The following NKAIN1 variants were observed in gnomAD, a reference collection of about 807,000 sequenced individuals.
The protein encoded by NKAIN1 is sodium/potassium-transporting ATPase subunit beta-1-interacting protein 1.
A neutral mutation model predicts 31.6 loss-of-function variants in NKAIN1; 13 were observed. That is an observed-to-expected ratio of 0.41 (90% CI 0.27 to 0.65). The LOEUF is 0.65. NKAIN1 is among the 30% of genes least tolerant of loss of function. The pLI is 0.30. For missense variants in NKAIN1, 193 were observed against 262.2 expected (o/e 0.74, Z 1.82); for synonymous variants, 104 against 109.0 (o/e 0.95, Z 0.28).
intron 1 of NKAIN1, among the ~76,000 whole-genome samples, chr1:31,228,240 C>T (rs541670154): frequency 8.5e-5 from 13 of 152,294 alleles, no homozygotes; most frequent in Middle Eastern, 3.4e-3. Flanking sequence ...GGCTGTGGAA[C>T]ATGCCCACCT....
intron 1 of NKAIN1, among the ~76,000 whole-genome samples, chr1:31,225,033 C>CTTTTTTTTTTTT (rs1553163963): frequency 7.1e-5 from 8 of 112,116 alleles, no homozygotes; most frequent in Middle Eastern, 4.3e-3. Flanking sequence ...CTTTTCTTTT[C>CTTTTTTTTTTTT]TTTTTTTTTT....
chr1:31,220,560 G>A (rs1181605297), intron 1 of NKAIN1, among the ~76,000 whole-genome samples: 1 of 151,866 alleles, frequency 6.6e-6, no homozygotes, highest in Admixed American at 6.6e-5. Context: ...TTTGAGACCA[G>A]CCTGGCCAAC....
At chr1:31,212,402 CTTT>C (rs1168039154) in intron 1 of NKAIN1, among the ~76,000 whole-genome samples, 1 of 61,078 alleles carries the variant, frequency 1.6e-5, no homozygotes, top group African/African-American at 4.1e-5. Flanking sequence ...GTAATAGTTT[CTTT>C]TTTTTTTTTT....
chr1:31,215,873 A>G (rs1645508040), intron 1 of NKAIN1, among the ~76,000 whole-genome samples: 1 of 152,188 alleles, frequency 6.6e-6, no homozygotes, highest in Admixed American at 6.5e-5. Flanking sequence ...ACAATGGCTA[A>G]GATATGCACA....
chr1:31,233,505 T>C lies in NKAIN1; in HGVS notation c.54+5989A>G, dbSNP rs12139418. ...TCTGCACCTATCATTTATGTGGCCA[T>C]GGATAAGCCACACAGTAGCAAGAGA... On this transcript the variant is annotated intron_variant, in intron 1 of 6. Coordinates refer to ENST00000373736, the MANE Select transcript of NKAIN1 (RefSeq NM_024522.3). The surrounding 1 kb of genome is among the most constrained non-coding windows in gnomAD (Gnocchi z 4.0). Among the ~76,000 whole-genome samples, 76,373 of 152,072 alleles carry C rather than the reference T, an allele frequency of 0.5. 20,074 individuals are homozygous for C. Among genetic ancestry groups the C allele is most frequent in the Non-Finnish European group, 0.59 (39,896 of 67,976 alleles).
At chr1:31,209,540 C>T (rs903013789) in intron 1 of NKAIN1, among the ~76,000 whole-genome samples, 1 of 152,044 alleles carries the variant, frequency 6.6e-6, no homozygotes, top group Admixed American at 6.6e-5. Context: ...TACGTATAGC[C>T]AGGCATGATG....
intron 1 of NKAIN1, among the ~76,000 whole-genome samples, chr1:31,208,257 A>G (rs946263760): frequency 1.3e-5 from 2 of 152,176 alleles, no homozygotes; most frequent in African/African-American, 2.4e-5. Context: ...TGTGACACTA[A>G]AGGATGCAAA....
At chr1:31,226,523 CTTTTTT>C (rs35709945) in intron 1 of NKAIN1, among the ~76,000 whole-genome samples, 1 of 132,150 alleles carries the variant, frequency 7.6e-6, no homozygotes, top group Non-Finnish European at 1.6e-5. Context: ...TGAAGAAAAT[CTTTTTT>C]TTTTTTTTTT....
chr1:31,195,948 AT>A (rs1350230227), intron 1 of NKAIN1, among the ~76,000 whole-genome samples: 2 of 150,710 alleles, frequency 1.3e-5, no homozygotes, highest in African/African-American at 4.9e-5. Context: ...AGCCTTATCT[AT>A]CTCAACACTC....
chr1:31,184,161 A>G, intron 3 of NKAIN1, 147 bp from the exon 4 acceptor site: 1 of 645,608 alleles, frequency 1.5e-6, no homozygotes, highest in South Asian at 2.0e-5. Flanking sequence ...GTGGCACTTA[A>G]TGACCACACA....
At chr1:31,229,691 G>A (rs147278714) in intron 1 of NKAIN1, among the ~76,000 whole-genome samples, 1 of 152,208 alleles carries the variant, frequency 6.6e-6, no homozygotes, top group African/African-American at 2.4e-5. Context: ...ACACCCAGGT[G>A]TAAAGTCTTG....
rs1340587060 is a variant in NKAIN1, at chr1:31,180,688, T to A, written c.*1015A>T. The A allele has an allele frequency of 6.6e-6, 1 of 152,298 alleles. No homozygotes were observed. The highest frequency in any genetic ancestry group is 1.5e-5 in the Non-Finnish European group (1 of 68,244). The allele number at this position is 152,298 out of a possible 1,614,324, so 9.4% of individuals were successfully genotyped here. A position where few individuals can be genotyped will look rare whatever the true frequency, so the allele number is the denominator to read the frequency against. ...TACAGTAGAACCAGCCTCAGGGACC[T>A]GGAAGGGGGTGGAGTGACTGAGTTG... On this transcript the variant is annotated 3_prime_UTR_variant, in exon 7 of 7. Transcript: ENST00000373736.
intron 1 of NKAIN1, among the ~76,000 whole-genome samples, chr1:31,232,663 A>G (rs1442001955): frequency 6.6e-6 from 1 of 151,506 alleles, no homozygotes; most frequent in Non-Finnish European, 1.5e-5. Flanking sequence ...AATACTAGAG[A>G]AGAGTAGTTT....
At chr1:31,196,971 G>A (rs1354061903) in intron 1 of NKAIN1, among the ~76,000 whole-genome samples, 2 of 152,046 alleles carry the variant, frequency 1.3e-5, no homozygotes, top group East Asian at 3.9e-4. Flanking sequence ...TTAACAAAAT[G>A]GGTATGATTC....
At chr1:31,228,862 C>T (rs976747754) in intron 1 of NKAIN1, among the ~76,000 whole-genome samples, 4 of 152,104 alleles carry the variant, frequency 2.6e-5, no homozygotes, top group African/African-American at 9.7e-5. Context: ...TCCCAAAGTG[C>T]TGGGATTATA....
intron 1 of NKAIN1, among the ~76,000 whole-genome samples, chr1:31,213,483 T>C (rs1382446035): frequency 6.6e-6 from 1 of 152,206 alleles, no homozygotes; most frequent in Non-Finnish European, 1.5e-5. Flanking sequence ...GGTGGAAATG[T>C]AAAATGGTGC....
intron 1 of NKAIN1, among the ~76,000 whole-genome samples, chr1:31,195,918 A>G (rs941698560): frequency 1.4e-5 from 2 of 143,566 alleles, no homozygotes; most frequent in African/African-American, 5.2e-5. Context: ...AAAGCTTCTT[A>G]CCACCTTGCA....
chr1:31,200,055 A>G (rs1444332308), intron 1 of NKAIN1, among the ~76,000 whole-genome samples: 1 of 128,846 alleles, frequency 7.8e-6, no homozygotes, highest in Non-Finnish European at 1.8e-5. Flanking sequence ...ACGTGCACAC[A>G]CGCACGCGCA....
Position 31,184,892 on chromosome 1 carries a change from C to T in NKAIN1, c.273+355G>A, listed in dbSNP as rs142635057. 1.1e-3 allele frequency among the ~76,000 whole-genome samples: 172 copies of T among 152,250 alleles called. 1 individual carries two copies. Among genetic ancestry groups the T allele is most frequent in the African/African-American group, 3.7e-3 (153 of 41,540 alleles). On this transcript the variant is annotated intron_variant, in intron 3 of 6. Coordinates refer to ENST00000373736, the MANE Select transcript of NKAIN1 (RefSeq NM_024522.3). ...TCTTTGTGGTCTAAGCACTACAAAGCGCATGGCATTTTCACCTCCCTTGCT... is the reference window on the plus strand; with the variant it reads ...TCTTTGTGGTCTAAGCACTACAAAGTGCATGGCATTTTCACCTCCCTTGCT...
Sources: allele counts gnomAD v4.1 joint callset (sites outside exome capture counted in the v4.1 genomes callset), GRCh38; gene constraint gnomAD v4.1.1; non-coding constraint Gnocchi (gnomAD v3.1); transcripts MANE v1.5; gene names NCBI Gene and HGNC (gene_info 2026-07-23, HGNC 2026-07-21).